SLC22A9: variants seen among roughly 807,000 people sequenced by gnomAD.
SLC22A9 encodes organic anion transporter 7.
Under a neutral mutation model 50.1 loss-of-function variants are expected in SLC22A9, and 64 were observed. The observed-to-expected ratio is 1.28, with a 90% CI of 1.04 to 1.57. The LOEUF is 1.57. Ranked by LOEUF, SLC22A9 falls within the 40% of genes most tolerant of loss-of-function variation. The pLI is 0.00. For missense variants in SLC22A9, 757 were observed against 676.1 expected (o/e 1.12, Z -1.33); for synonymous variants, 261 against 242.5 (o/e 1.08, Z -0.71).
At position 63,401,705 on chromosome 11, in the gene SLC22A9, G is replaced by A. The variant is rs538685499; in HGVS notation, c.1074-4792G>A. Among the ~76,000 whole-genome samples the A allele has an allele frequency of 5.3e-5, 8 of 152,026 alleles. No homozygotes were observed. In the East Asian group the frequency reaches 1.2e-3, roughly 22 times the overall value. On this transcript the variant is annotated intron_variant, in intron 6 of 9. Transcript: ENST00000279178. The stretch of plus-strand genomic sequence containing the variant: ...AAAAGAACAAAGCTGGAGTGGCTGA[G>A]CTAATTTGCATTCCCACCCGCAGTC...
chr11:63,371,280 T>A, intron 2 of SLC22A9, 42 bp downstream of exon 2: 1 of 1,412,722 alleles, frequency 7.1e-7, no homozygotes, highest in Non-Finnish European at 1.0e-6. Flanking sequence ...GGGCATTTTT[T>A]ATCAACTTAT....
intron 6 of SLC22A9, among the ~76,000 whole-genome samples, chr11:63,388,929 C>A (rs1219310243): frequency 6.6e-6 from 1 of 152,036 alleles, no homozygotes; most frequent in East Asian, 1.9e-4. Context: ...AGTAATTAAT[C>A]TATTTCTTCT....
At chr11:63,385,028 A>G (rs2014636693) in intron 6 of SLC22A9, among the ~76,000 whole-genome samples, 1 of 144,152 alleles carries the variant, frequency 6.9e-6, no homozygotes, top group Non-Finnish European at 1.5e-5. Context: ...TATAGACTGG[A>G]TATTACATCT....
intron 5 of SLC22A9, among the ~76,000 whole-genome samples, chr11:63,377,145 C>A (rs532079935): frequency 1.3e-5 from 2 of 151,862 alleles, no homozygotes; most frequent in South Asian, 4.1e-4. Flanking sequence ...ATTATAGACA[C>A]AGAAAACTAA....
intron 7 of SLC22A9, among the ~76,000 whole-genome samples, chr11:63,407,317 T>C (rs2015056983): frequency 6.6e-6 from 1 of 152,128 alleles, no homozygotes; most frequent in Admixed American, 6.6e-5. Context: ...TTTTAAGAAA[T>C]TAACTGATCA....
chr11:63,384,897 G>C (rs1371429170), intron 6 of SLC22A9, among the ~76,000 whole-genome samples: 3 of 152,044 alleles, frequency 2.0e-5, no homozygotes, highest in African/African-American at 4.8e-5. Context: ...CAGTGATGTT[G>C]AGCTTTTTTT....
In SLC22A9 at chr11:63,371,153, T is replaced by C; in HGVS notation, c.421T>C (p.Ser141Pro). Residue 141 changes from serine (S) to proline (P), a missense_variant, in exon 2 of 10, where the codon TCT becomes CCT. Transcript: ENST00000279178. ...CTTCCAGTGGGATCTGGTATGTGAC[T>C]CTCAATCACTGACTTCAGTGGCTAA... is the stretch of plus-strand genomic sequence containing the variant. The part of the protein sequence containing the change: ...IVTEWDLVCD[S>P]QSLTSVAKFV... 1 of 1,613,156 alleles carries C rather than the reference T, an allele frequency of 6.2e-7. No homozygotes were observed.
At position 63,409,969 on chromosome 11, in the gene SLC22A9, G is replaced by T. The variant is rs1312366383; in HGVS notation, c.*107G>T. On this transcript the variant is annotated 3_prime_UTR_variant, in exon 10 of 10. Coordinates refer to ENST00000279178, the MANE Select transcript of SLC22A9 (RefSeq NM_080866.3). The stretch of plus-strand genomic sequence containing the variant: ...GAAAATAAATAACAAGGCTGGGTGC[G>T]GTGGCTCACGCCTGTAATCCCAGCA... The T allele has an allele frequency of 1.6e-6, 2 of 1,260,356 alleles. No homozygotes were observed. Among genetic ancestry groups the T allele is most frequent in the African/African-American group, 1.5e-5 (1 of 66,502 alleles). The allele number at this position is 1,260,356 out of a possible 1,614,324, so 78.1% of individuals were successfully genotyped here.
intron 6 of SLC22A9, among the ~76,000 whole-genome samples, chr11:63,402,287 A>G (rs2014964456): frequency 6.6e-6 from 1 of 152,074 alleles, no homozygotes; most frequent in Non-Finnish European, 1.5e-5. Flanking sequence ...TGAATTTTGT[A>G]TATGGTCAAA....
At chr11:63,384,141 A>G (rs373155736) in intron 6 of SLC22A9, among the ~76,000 whole-genome samples, 10 of 152,300 alleles carry the variant, frequency 6.6e-5, no homozygotes, top group African/African-American at 2.4e-4. Context: ...GGAGTAGATG[A>G]AGACAATGAC....
intron 6 of SLC22A9, among the ~76,000 whole-genome samples, chr11:63,386,465 T>TTTTG (rs2014670520): frequency 8.9e-6 from 1 of 112,190 alleles, no homozygotes; most frequent in African/African-American, 3.0e-5. Flanking sequence ...TTTTTTTTTT[T>TTTTG]TTTGGTAAGT....
rs1356490862 is a variant in SLC22A9, at chr11:63,370,340, A to G, written c.284A>G (p.Gln95Arg). Residue 95 changes from glutamine to arginine, a missense_variant, in exon 1 of 10, where the codon CAG becomes CGG. Gln to Arg is a conservative substitution (Grantham distance 43). Coordinates refer to ENST00000279178, the MANE Select transcript of SLC22A9 (RefSeq NM_080866.3). Reference protein sequence around the residue: ...PEKCRRFVHPQWQLLHLNGTF... With the variant: ...PEKCRRFVHPRWQLLHLNGTF... ...AAGTGTCGTCGCTTTGTTCATCCTC[A>G]GTGGCAGCTCCTTCACCTGAATGGG... 2 of 1,613,980 alleles carry G rather than the reference A, an allele frequency of 1.2e-6. No individual in the cohort carries two copies. Among genetic ancestry groups the G allele is most frequent in the South Asian group, 2.2e-5 (2 of 91,084 alleles).
intron 6 of SLC22A9, among the ~76,000 whole-genome samples, chr11:63,388,647 G>A (rs2014709636): frequency 6.6e-6 from 1 of 151,532 alleles, no homozygotes; most frequent in South Asian, 2.1e-4. Context: ...TTTTTAATGT[G>A]CCTTTGTCTG....
At position 63,410,257 on chromosome 11, in the gene SLC22A9, A is replaced by AAAAG. The variant is rs1555017443; in HGVS notation, c.*402_*405dup. On this transcript the variant is annotated 3_prime_UTR_variant, in exon 10 of 10. Coordinates refer to ENST00000279178, the MANE Select transcript of SLC22A9 (RefSeq NM_080866.3). The stretch of plus-strand genomic sequence containing the variant: ...CTGTCTCAAAAAAAAAAAAAAAAAA[A>AAAAG]AAAGAAAGAAGGAAAGAAAGAAAGA... 137 of 108,454 alleles carry AAAAG rather than the reference A, an allele frequency of 1.3e-3. 2 individuals are homozygous for AAAAG. In the Middle Eastern group the frequency reaches 0.018, roughly 14 times the overall value. 6.7% of individuals were successfully genotyped at this position (108,454 alleles called of 1,614,324 possible).
At chr11:63,408,054 G>A in intron 7 of SLC22A9, 58 bp from the exon 8 acceptor site, 2 of 1,387,114 alleles carry the variant, frequency 1.4e-6, no homozygotes, top group Admixed American at 3.5e-5. Flanking sequence ...TTCTACCTTG[G>A]GGATGCTGAT....
intron 6 of SLC22A9, among the ~76,000 whole-genome samples, chr11:63,387,651 A>C (rs1352554430): frequency 6.6e-6 from 1 of 151,990 alleles, no homozygotes; most frequent in Admixed American, 6.6e-5. Flanking sequence ...TTTTGGTTCC[A>C]CTTAAATGTT....
At chr11:63,376,917 A>T (rs1293597029) in intron 5 of SLC22A9, among the ~76,000 whole-genome samples, 1 of 152,116 alleles carries the variant, frequency 6.6e-6, no homozygotes, top group Non-Finnish European at 1.5e-5. Flanking sequence ...TTCAGATAAA[A>T]CAGATGTTAA....
Position 63,375,675 on chromosome 11 carries a change from T to A in SLC22A9, c.861T>A (p.Ile287=). 1 of 1,612,512 alleles carries A rather than the reference T, an allele frequency of 6.2e-7. No individual in the cohort carries two copies. Among genetic ancestry groups the A allele is most frequent in the Non-Finnish European group, 8.5e-7 (1 of 1,179,018 alleles). Reference sequence around the variant, plus strand: ...TGCTAGAGTCTGCTCGGTGGCTCATTATCAACAATAAACCAGAGGAAGGCT... The same window carrying A: ...TGCTAGAGTCTGCTCGGTGGCTCATAATCAACAATAAACCAGAGGAAGGCT... ...SWLLESARWL[I]INNKPEEGLK... Residue 287 remains isoleucine (I), a synonymous_variant, in exon 5 of 10, where the codon ATT becomes ATA. Transcript: ENST00000279178.
intron 4 of SLC22A9, among the ~76,000 whole-genome samples, chr11:63,374,556 C>A (rs1291727402): frequency 1.3e-5 from 2 of 152,102 alleles, no homozygotes; most frequent in Non-Finnish European, 2.9e-5. Context: ...CTAAAACCAG[C>A]AACCCATGAC....
Sources: gnomAD v4.1 joint callset for allele counts (sites outside exome capture counted in the v4.1 genomes callset) on GRCh38, gnomAD v4.1.1 for gene constraint, MANE v1.5 for transcripts, NCBI Gene and HGNC (gene_info 2026-07-23, HGNC 2026-07-21) for gene names.